ZFYVE9: variants seen among roughly 807,000 people sequenced by gnomAD.
The protein encoded by ZFYVE9 is zinc finger FYVE domain-containing protein 9.
A neutral mutation model predicts 126.7 loss-of-function variants in ZFYVE9; 43 were observed. The ratio of observed to expected loss-of-function variants is 0.34; its 90% CI spans 0.27 to 0.44. The LOEUF (loss-of-function observed/expected upper bound fraction) is 0.44. Among genes scored for constraint, ZFYVE9 ranks in the 20% least tolerant of loss-of-function variants. The pLI is 1.00. For synonymous variants in ZFYVE9, 521 were observed against 597.4 expected (o/e 0.87, Z 1.87); for missense variants, 1,476 against 1,697.0 (o/e 0.87, Z 2.29).
At chr1:52,147,604 TACC>T (rs2124489396) in intron 1 of ZFYVE9, among the ~76,000 whole-genome samples, 1 of 152,352 alleles carries the variant, frequency 6.6e-6, no homozygotes, top group South Asian at 2.1e-4. Context: ...TGTATGGAAA[TACC>T]ACATTTTATT....
At chr1:52,224,771 G>A (rs536548180) in intron 2 of ZFYVE9, among the ~76,000 whole-genome samples, 1 of 152,216 alleles carries the variant, frequency 6.6e-6, no homozygotes, top group Non-Finnish European at 1.5e-5. Context: ...GCCTTTTATA[G>A]TCCCTGTCTT....
intron 13 of ZFYVE9, among the ~76,000 whole-genome samples, chr1:52,332,552 A>G (rs1646352332): frequency 6.6e-6 from 1 of 152,238 alleles, no homozygotes; most frequent in African/African-American, 2.4e-5. Context: ...TTATTAGGTC[A>G]TAGTACAAAT....
chr1:52,210,240 A>AT (rs1367950226), intron 1 of ZFYVE9, among the ~76,000 whole-genome samples: 1 of 152,208 alleles, frequency 6.6e-6, no homozygotes, highest in Non-Finnish European at 1.5e-5. Context: ...TATAAGTAGT[A>AT]AAATGGCACT....
At position 52,278,632 on chromosome 1, in the gene ZFYVE9, A is replaced by G; in HGVS notation, c.2869+18A>G. ...TGTAAATTGTAAGTTATAAATTTTT[A>G]AAAATTAAAATCAGATGTTTTACTG... On this transcript the variant is annotated intron_variant, in intron 9 of 18. Coordinates refer to ENST00000287727, the MANE Select transcript of ZFYVE9 (RefSeq NM_004799.4). 6.8e-7 allele frequency: 1 copy of G among 1,481,202 alleles called. No individual in the cohort carries two copies. Among genetic ancestry groups the G allele is most frequent in the Non-Finnish European group, 9.2e-7 (1 of 1,089,602 alleles). 91.8% of individuals were successfully genotyped at this position (1,481,202 alleles called of 1,614,324 possible). A position where few individuals can be genotyped will look rare whatever the true frequency, so the allele number is the denominator to read the frequency against.
intron 8 of ZFYVE9, among the ~76,000 whole-genome samples, chr1:52,276,049 A>T (rs1427979886): frequency 6.6e-6 from 1 of 151,878 alleles, no homozygotes; most frequent in Non-Finnish European, 1.5e-5. Context: ...CTGGGACTAC[A>T]GGTGCATGCC....
At chr1:52,266,889 G>T in intron 6 of ZFYVE9, 58 bp downstream of exon 6, 1 of 1,467,664 alleles carries the variant, frequency 6.8e-7, no homozygotes, top group Non-Finnish European at 9.1e-7. Flanking sequence ...CTGAAAAGGT[G>T]CTGATATGAC....
At chr1:52,165,597 GA>G (rs1187671044) in intron 1 of ZFYVE9, among the ~76,000 whole-genome samples, 1 of 152,128 alleles carries the variant, frequency 6.6e-6, no homozygotes, top group Non-Finnish European at 1.5e-5. Flanking sequence ...AAATTTATGG[GA>G]TGTATGTATC....
At chr1:52,320,860 T>G (rs1646232872) in intron 13 of ZFYVE9, among the ~76,000 whole-genome samples, 1 of 152,198 alleles carries the variant, frequency 6.6e-6, no homozygotes, top group African/African-American at 2.4e-5. Context: ...ATCAGTTATT[T>G]TAAATATAAC....
At chr1:52,203,304 C>T (rs952910418) in intron 1 of ZFYVE9, among the ~76,000 whole-genome samples, 2 of 151,916 alleles carry the variant, frequency 1.3e-5, no homozygotes, top group African/African-American at 2.4e-5. Context: ...GCATTAGGCT[C>T]CCAAGTAGCT....
intron 2 of ZFYVE9, among the ~76,000 whole-genome samples, chr1:52,224,120 G>A (rs1557465915): frequency 6.6e-6 from 1 of 152,192 alleles, no homozygotes; most frequent in Non-Finnish European, 1.5e-5. Context: ...GGGAAAAAGG[G>A]TTGGGGTAGA....
At chr1:52,194,620 A>G (rs1644844476) in intron 1 of ZFYVE9, among the ~76,000 whole-genome samples, 1 of 152,180 alleles carries the variant, frequency 6.6e-6, no homozygotes, top group Admixed American at 6.5e-5. Flanking sequence ...AAATTCTTGT[A>G]TATACCCATT....
chr1:52,319,308 C>A (rs767162053), intron 13 of ZFYVE9, among the ~76,000 whole-genome samples: 6 of 152,022 alleles, frequency 3.9e-5, no homozygotes, highest in African/African-American at 1.4e-4. Flanking sequence ...CAATCCCAAT[C>A]AAAATACGAG....
chr1:52,326,693 C>A (rs1261246649), intron 13 of ZFYVE9, among the ~76,000 whole-genome samples: 135 of 102,886 alleles, frequency 1.3e-3, no homozygotes, highest in Middle Eastern at 0.013. Flanking sequence ...TACTCAATAC[C>A]AAAAAAAAAA....
Position 52,301,526 on chromosome 1 carries a change from A to G in ZFYVE9, c.3334-2295A>G, listed in dbSNP as rs369136718. ...GCAGTGTTTCTCAGACTGGTCTCCA[A>G]CTCCTGGGCTCAAGCTATCCTTCCA... is the stretch of plus-strand genomic sequence containing the variant. On this transcript the variant is annotated intron_variant, in intron 12 of 18. Transcript: ENST00000287727. Among the ~76,000 whole-genome samples the G allele has an allele frequency of 7.3e-5, 11 of 149,932 alleles. No homozygotes were observed. The East Asian group carries it at 1.8e-3, about 24-fold the overall frequency.
At chr1:52,147,935 A>G (rs1165580481) in intron 1 of ZFYVE9, among the ~76,000 whole-genome samples, 1 of 151,084 alleles carries the variant, frequency 6.6e-6, no homozygotes, top group African/African-American at 2.4e-5. Context: ...GTAAGGCTCT[A>G]TCTGCGGTTC....
In ZFYVE9 at chr1:52,229,120, A is replaced by T. The variant is rs141342672; in HGVS notation, c.-36-4051A>T. Among the ~76,000 whole-genome samples, 595 of 152,140 alleles carry T rather than the reference A, an allele frequency of 3.9e-3. 12 individuals carry two copies. In the South Asian group the frequency reaches 0.043, roughly 11 times the overall value. ...CTCAAGCGATCCAATCCTCCACCTC[A>T]GCCTACCAAAGTACTGGGATTACAG... On this transcript the variant is annotated intron_variant, in intron 2 of 18. Coordinates refer to ENST00000287727, the MANE Select transcript of ZFYVE9 (RefSeq NM_004799.4).
chr1:52,206,973 AT>A (rs1644984371), intron 1 of ZFYVE9, among the ~76,000 whole-genome samples: 1 of 152,246 alleles, frequency 6.6e-6, no homozygotes, highest in Admixed American at 6.5e-5. Context: ...AGAATTATAT[AT>A]ATGTATGTAG....
At chr1:52,334,567 A>AT (rs1646372248) in intron 14 of ZFYVE9, 121 bp from the exon 15 acceptor site, 2 of 978,288 alleles carry the variant, frequency 2.0e-6, no homozygotes, top group South Asian at 1.5e-5. Flanking sequence ...TATAGATTTG[A>AT]TTTTTTAAAA....
chr1:52,220,884 G>A (rs971428181), intron 2 of ZFYVE9, among the ~76,000 whole-genome samples: 1 of 152,186 alleles, frequency 6.6e-6, no homozygotes, highest in African/African-American at 2.4e-5. Flanking sequence ...TTAGCTGTTT[G>A]ATCTGCAAGG....
Sources: gnomAD v4.1 joint callset for allele counts (sites outside exome capture counted in the v4.1 genomes callset) on GRCh38, gnomAD v4.1.1 for gene constraint, MANE v1.5 for transcripts, NCBI Gene and HGNC (gene_info 2026-07-23, HGNC 2026-07-21) for gene names.